The following OTUD7B variants were observed in gnomAD, a reference collection of about 807,000 sequenced individuals.
The protein encoded by OTUD7B is OTU deubiquitinase 7B.
OTUD7B carries 34 observed loss-of-function variants against 82.2 expected under a neutral mutation model. The observed-to-expected ratio is 0.41, with a 90% CI of 0.31 to 0.55. OTUD7B has a LOEUF of 0.55. Among genes scored for constraint, OTUD7B ranks in the 20% least tolerant of loss-of-function variants. OTUD7B has a pLI of 0.20. For synonymous variants in OTUD7B, 398 were observed against 402.7 expected (o/e 0.99, Z 0.14); for missense variants, 944 against 1,062.1 (o/e 0.89, Z 1.55).
chr1:150,010,305 C>G (rs1652956134), intron 1 of OTUD7B, 143 bp downstream of exon 1: 1 of 152,618 alleles, frequency 6.6e-6, no homozygotes, highest in Non-Finnish European at 1.5e-5. Context: ...AAAGGAGTGC[C>G]GAGGGGAGAT....
rs782804183 is a variant in OTUD7B at position 149,943,938 on chromosome 1, G to A, written c.2451C>T (p.Asn817=). ...CTTCCCTGTAACAACAGGAACAGAA[G>A]TTGTTTGTCTCAGGGTGTCCATAGA... ...CSFYGHPETN[N]FCSCCYREEL... Residue 817 remains asparagine (N), a synonymous_variant, in exon 12 of 12, where the codon AAC becomes AAT. Coordinates refer to ENST00000581312, the MANE Select transcript of OTUD7B (RefSeq NM_020205.4). 3.7e-6 allele frequency: 6 copies of A among 1,614,130 alleles called. No individual in the cohort carries two copies. The highest frequency in any genetic ancestry group is 3.3e-5 in the Admixed American group (2 of 60,006).
chr1:150,065,620 T>C, the OTUD7B span, among the ~76,000 whole-genome samples: 1 of 152,176 alleles, frequency 6.6e-6, no homozygotes, highest in African/African-American at 2.4e-5. Context: ...GTCACTTGCC[T>C]GCAACAAAAC....
the OTUD7B span, among the ~76,000 whole-genome samples, chr1:150,064,242 C>T: frequency 3.9e-5 from 6 of 152,126 alleles, no homozygotes; most frequent in Non-Finnish European, 5.9e-5. Flanking sequence ...AGGTAGGTTA[C>T]GTTATTACCA....
the OTUD7B span, among the ~76,000 whole-genome samples, chr1:150,033,873 C>T: frequency 6.6e-6 from 1 of 152,094 alleles, no homozygotes; most frequent in Admixed American, 6.5e-5. Context: ...AGGTGTGCGC[C>T]ACCACACCCA....
At chr1:150,007,728 A>G (rs1329051081) in intron 1 of OTUD7B, among the ~76,000 whole-genome samples, 4 of 152,230 alleles carry the variant, frequency 2.6e-5, no homozygotes, top group Admixed American at 2.6e-4. Context: ...TAAAAAGTCA[A>G]CTGAATTCAG....
intron 1 of OTUD7B, among the ~76,000 whole-genome samples, chr1:150,006,961 G>A (rs1429882527): frequency 4.6e-5 from 7 of 152,060 alleles, no homozygotes; most frequent in Non-Finnish European, 7.4e-5. Flanking sequence ...CATTAAATCC[G>A]TCCTTTGTTC....
rs1288152191 is a variant in OTUD7B, at chr1:149,939,643, A to G, written c.*4214T>C. 1 of 152,308 alleles carries G rather than the reference A, an allele frequency of 6.6e-6. No individual in the cohort carries two copies. Among genetic ancestry groups the G allele is most frequent in the Non-Finnish European group, 1.5e-5 (1 of 68,152 alleles). 9.4% of individuals were successfully genotyped at this position (152,308 alleles called of 1,614,324 possible). A position where few individuals can be genotyped will look rare whatever the true frequency, so the allele number is the denominator to read the frequency against. Reference sequence around the variant, plus strand: ...CACTGACTCATTGGAGAAGGAAGACACAGAGGCCAGTCGCGGTGGCTCATG... The same window carrying G: ...CACTGACTCATTGGAGAAGGAAGACGCAGAGGCCAGTCGCGGTGGCTCATG... On this transcript the variant is annotated 3_prime_UTR_variant, in exon 12 of 12. Transcript: ENST00000581312.
Position 149,965,937 on chromosome 1 carries a change from T to C in OTUD7B, c.503-59A>G, listed in dbSNP as rs1649495161. Reference sequence around the variant, plus strand: ...TATCCATGAAGCCCTTCCACCTTCCTATTTCTGAAACAGACTCCAAAGCAG... The same window carrying C: ...TATCCATGAAGCCCTTCCACCTTCCCATTTCTGAAACAGACTCCAAAGCAG... On this transcript the variant is annotated intron_variant, in intron 4 of 11. Coordinates refer to ENST00000581312, the MANE Select transcript of OTUD7B (RefSeq NM_020205.4). 7.0e-6 allele frequency: 10 copies of C among 1,428,086 alleles called. No individual in the cohort carries two copies. In the Admixed American group the frequency reaches 1.6e-4, roughly 23 times the overall value. 88.5% of individuals were successfully genotyped at this position (1,428,086 alleles called of 1,614,324 possible).
chr1:150,039,925 GC>G, the OTUD7B span, among the ~76,000 whole-genome samples: 2 of 151,986 alleles, frequency 1.3e-5, no homozygotes, highest in Non-Finnish European at 2.9e-5. Context: ...TACCTCTATT[GC>G]CTGTGTATAT....
At chr1:149,995,396 T>G (rs1651857938) in intron 1 of OTUD7B, among the ~76,000 whole-genome samples, 1 of 152,030 alleles carries the variant, frequency 6.6e-6, no homozygotes, top group South Asian at 2.1e-4. Context: ...CTGGCCAACA[T>G]GGGGAAACCC....
chr1:149,943,700 TG>T lies in OTUD7B; in HGVS notation c.*156del. ...CAGCCCCGACCTGCTCTTGCCAGCCTGGCAGCACTCCTGTGTGCACACACTT... is the reference window on the plus strand; with the variant it reads ...CAGCCCCGACCTGCTCTTGCCAGCCTGCAGCACTCCTGTGTGCACACACTT... On this transcript the variant is annotated 3_prime_UTR_variant, in exon 12 of 12. Transcript: ENST00000581312. 1.3e-6 allele frequency: 1 copy of T among 764,774 alleles called. No individual in the cohort carries two copies. The highest frequency in any genetic ancestry group is 2.2e-6 in the Non-Finnish European group (1 of 462,670). 47.4% of individuals were successfully genotyped at this position (764,774 alleles called of 1,614,324 possible). A position where few individuals can be genotyped will look rare whatever the true frequency, so the allele number is the denominator to read the frequency against.
chr1:150,047,049 C>T, the OTUD7B span, among the ~76,000 whole-genome samples: 5 of 151,812 alleles, frequency 3.3e-5, no homozygotes, highest in Admixed American at 3.3e-4. Context: ...CTAGCCTGGG[C>T]GACAGAGCAC....
chr1:150,053,982 G>C, the OTUD7B span: 2 of 379,552 alleles, frequency 5.3e-6, no homozygotes, highest in Admixed American at 7.1e-5. Flanking sequence ...CCCAAGAACA[G>C]GAAGCCCCAT....
rs1458545184 is a variant in OTUD7B at position 149,938,628 on chromosome 1, G to A, written c.*5229C>T. 1 of 151,346 alleles carries A rather than the reference G, an allele frequency of 6.6e-6. No individual in the cohort carries two copies. Among genetic ancestry groups the A allele is most frequent in the Non-Finnish European group, 1.5e-5 (1 of 68,006 alleles). The allele number at this position is 151,346 out of a possible 1,614,324, so 9.4% of individuals were successfully genotyped here. ...AGGAACACGGAGAAAAAAAATCGGG[G>A]GGTAGGGGTGTGGTGGCTCATGCCT... On this transcript the variant is annotated 3_prime_UTR_variant, in exon 12 of 12. Transcript: ENST00000581312.
the OTUD7B span, among the ~76,000 whole-genome samples, chr1:150,059,053 C>CTTTTTTTTTTTTTT: frequency 3.2e-5 from 4 of 125,474 alleles, no homozygotes; most frequent in Non-Finnish European, 3.3e-5. Context: ...ACTTTCTTTT[C>CTTTTTTTTTTTTTT]TTTTTTTTTT....
At chr1:150,040,868 C>T in the OTUD7B span, among the ~76,000 whole-genome samples, 2 of 151,976 alleles carry the variant, frequency 1.3e-5, no homozygotes, top group African/African-American at 4.8e-5. Context: ...CGCCACCATG[C>T]CCAGCTAATT....
At chr1:150,044,673 A>AAATAATAAT in the OTUD7B span, among the ~76,000 whole-genome samples, 3,814 of 149,014 alleles carry the variant, frequency 0.026, 150 homozygotes, top group African/African-American at 0.086. Context: ...CTGTCTCAAA[A>AAATAATAAT]AATAATAATA....
chr1:149,958,430 C>A (rs1648880521), intron 7 of OTUD7B, among the ~76,000 whole-genome samples: 2 of 134,914 alleles, frequency 1.5e-5, no homozygotes, highest in African/African-American at 5.6e-5. Flanking sequence ...TGGGTTCAAG[C>A]AATTCTCCTG....
the OTUD7B span, among the ~76,000 whole-genome samples, chr1:150,059,430 C>T: frequency 4.8e-5 from 7 of 147,024 alleles, no homozygotes; most frequent in Admixed American, 2.1e-4. Flanking sequence ...AGTGCAATGG[C>T]GCAATCTCGG....
Sources: allele counts gnomAD v4.1 joint callset (sites outside exome capture counted in the v4.1 genomes callset), GRCh38; gene constraint gnomAD v4.1.1; transcripts MANE v1.5; gene names NCBI Gene and HGNC (gene_info 2026-07-23, HGNC 2026-07-21).